Variants in VTI1A observed in about 807,000 individuals in gnomAD.
VTI1A encodes the protein vesicle transport through interaction with t-SNAREs homolog 1A.
In VTI1A, 22 loss-of-function variants were observed where a neutral mutation model predicts 34.9. The ratio of observed to expected loss-of-function variants is 0.63; its 90% CI spans 0.45 to 0.90. The LOEUF (loss-of-function observed/expected upper bound fraction) is 0.90. VTI1A is among the 40% of genes least tolerant of loss of function. VTI1A has a pLI of 0.00. For synonymous variants in VTI1A, 87 were observed against 97.3 expected, an observed-to-expected ratio of 0.89 and a Z score of 0.62; for missense variants, 268 against 275.6, an observed-to-expected ratio of 0.97 and a Z score of 0.20.
At chr10:112,684,367 TATG>T in intron 7 of VTI1A, among the ~76,000 whole-genome samples, 1 of 152,236 alleles carries the variant, frequency 6.6e-6, no homozygotes, top group African/African-American at 2.4e-5. Context: ...ACAGTGAAGC[TATG>T]TATCTTCATT....
At chr10:112,521,499 G>A (rs893582833) in intron 3 of VTI1A, among the ~76,000 whole-genome samples, 2 of 151,954 alleles carry the variant, frequency 1.3e-5, no homozygotes, top group South Asian at 2.1e-4. Flanking sequence ...CATATACAAG[G>A]TGTTAGGGTA....
At chr10:112,837,980 A>G in the VTI1A span, among the ~76,000 whole-genome samples, 1 of 152,192 alleles carries the variant, frequency 6.6e-6, no homozygotes, top group East Asian at 1.9e-4. Context: ...CCCTCTTACG[A>G]GGCAGCAACC....
intron 7 of VTI1A, among the ~76,000 whole-genome samples, chr10:112,763,363 C>A (rs1456257882): frequency 1.3e-5 from 2 of 150,302 alleles, no homozygotes; most frequent in East Asian, 3.9e-4. Flanking sequence ...TGGGTGAACC[C>A]GGGAGGCAGA....
At chr10:112,839,460 G>A in the VTI1A span, among the ~76,000 whole-genome samples, 1 of 151,964 alleles carries the variant, frequency 6.6e-6, no homozygotes, top group Non-Finnish European at 1.5e-5. Flanking sequence ...GCAGGAAGGA[G>A]GCTACTTGGG....
chr10:112,563,405 A>T (rs545246923), intron 5 of VTI1A, among the ~76,000 whole-genome samples: 1 of 152,302 alleles, frequency 6.6e-6, no homozygotes, highest in South Asian at 2.1e-4. Flanking sequence ...GAATTTTTTT[A>T]GAGTCATTCA....
chr10:112,724,271 A>G (rs1308090290), intron 7 of VTI1A, among the ~76,000 whole-genome samples: 1 of 152,214 alleles, frequency 6.6e-6, no homozygotes, highest in African/African-American at 2.4e-5. Context: ...GGATAGACAG[A>G]GAGCTGAAGA....
rs191751533 is a variant in VTI1A, at chr10:112,492,042, T to C, written c.264+27385T>C. ...GGACCCAGGGATTGTTTTAAAAAGC[T>C]CCCCAGGTGATTCCAATGTTCGATC... On this transcript the variant is annotated intron_variant, in intron 3 of 7. Coordinates refer to ENST00000393077, the MANE Select transcript of VTI1A (RefSeq NM_145206.4). 2.2e-4 allele frequency among the ~76,000 whole-genome samples: 33 copies of C among 152,232 alleles called. No homozygotes were observed. In the East Asian group the frequency reaches 6.0e-3, roughly 28 times the overall value.
intron 4 of VTI1A, among the ~76,000 whole-genome samples, chr10:112,534,298 T>C (rs1850546777): frequency 1.3e-5 from 2 of 152,156 alleles, no homozygotes; most frequent in Admixed American, 6.5e-5. Flanking sequence ...AAAAATTAAG[T>C]CAAACATATC....
intron 5 of VTI1A, among the ~76,000 whole-genome samples, chr10:112,568,138 G>A (rs182348452): frequency 7.5e-5 from 10 of 132,736 alleles, no homozygotes; most frequent in Admixed American, 2.5e-4. Flanking sequence ...GCTGTGCACC[G>A]TATGATATTC....
At chr10:112,832,000 T>G in the VTI1A span, 2 of 152,148 alleles carry the variant, frequency 1.3e-5, no homozygotes, top group Non-Finnish European at 2.9e-5. Context: ...CACCACAGTG[T>G]GGGAATCGAG....
At chr10:112,508,631 A>C (rs1004491743) in intron 3 of VTI1A, among the ~76,000 whole-genome samples, 24 of 152,224 alleles carry the variant, frequency 1.6e-4, no homozygotes, top group African/African-American at 5.1e-4. Flanking sequence ...TGGGTCTAAG[A>C]ATGGTTAGAC....
chr10:112,683,122 A>G (rs1342481157), intron 7 of VTI1A, among the ~76,000 whole-genome samples: 1 of 152,248 alleles, frequency 6.6e-6, no homozygotes, highest in Non-Finnish European at 1.5e-5. Flanking sequence ...TGTAGTTTCA[A>G]CATTGGAGAT....
At chr10:112,528,912 A>G (rs1416072294) in intron 4 of VTI1A, among the ~76,000 whole-genome samples, 1 of 152,092 alleles carries the variant, frequency 6.6e-6, no homozygotes, top group Admixed American at 6.5e-5. Context: ...GACATTTTAT[A>G]TGCCTAAAAC....
chr10:112,756,047 G>GA (rs887815920), intron 7 of VTI1A, among the ~76,000 whole-genome samples: 5 of 151,940 alleles, frequency 3.3e-5, no homozygotes, highest in South Asian at 2.1e-4. Context: ...TCCCAGAAAG[G>GA]AAAAAAACAG....
intron 5 of VTI1A, among the ~76,000 whole-genome samples, chr10:112,594,830 C>G (rs1396132282): frequency 6.6e-6 from 1 of 151,750 alleles, no homozygotes; most frequent in Non-Finnish European, 1.5e-5. Context: ...CATATGGAAC[C>G]AAAAAAGAAC....
intron 5 of VTI1A, among the ~76,000 whole-genome samples, chr10:112,618,522 T>TAGAGAGAGAGAGAGAGAGAGAGAGAG (rs1350356577): frequency 4.4e-4 from 19 of 43,674 alleles, no homozygotes; most frequent in East Asian, 3.0e-3. Flanking sequence ...TATATATATA[T>TAGAGAGAGAGAGAGAGAGAGAGAGAG]ATAGAGAGAG....
intron 7 of VTI1A, among the ~76,000 whole-genome samples, chr10:112,729,019 G>A (rs1221770474): frequency 2.0e-5 from 3 of 152,096 alleles, no homozygotes; most frequent in Admixed American, 6.5e-5. Context: ...ATGCCTTTTA[G>A]GGGTTTTGGT....
At chr10:112,791,672 T>C (rs537145580) in intron 7 of VTI1A, among the ~76,000 whole-genome samples, 87 of 152,306 alleles carry the variant, frequency 5.7e-4, no homozygotes, top group African/African-American at 2.0e-3. Flanking sequence ...TCTCGTTGCT[T>C]GTTTTATACA....
chr10:112,619,476 C>T (rs1336420869), intron 5 of VTI1A, among the ~76,000 whole-genome samples: 1 of 152,146 alleles, frequency 6.6e-6, no homozygotes, highest in African/African-American at 2.4e-5. Context: ...GACTGATACT[C>T]CAACAGCTCC....
Sources: allele counts gnomAD v4.1 joint callset (sites outside exome capture counted in the v4.1 genomes callset), GRCh38; gene constraint gnomAD v4.1.1; transcripts MANE v1.5; gene names NCBI Gene and HGNC (gene_info 2026-07-23, HGNC 2026-07-21).